The following COL24A1 variants were observed in gnomAD, a reference collection of about 807,000 sequenced individuals.
The protein encoded by COL24A1 is collagen alpha-1(XXIV) chain.
COL24A1 carries 224 observed loss-of-function variants against 253.9 expected under a neutral mutation model. The ratio of observed to expected loss-of-function variants is 0.88; its 90% CI spans 0.79 to 0.99. The LOEUF (loss-of-function observed/expected upper bound fraction) is 0.99. Among genes scored for constraint, COL24A1 ranks in the 50% least tolerant of loss-of-function variants. COL24A1 has a pLI of 0.00. For missense variants in COL24A1, 2,131 were observed against 2,068.5 expected (o/e 1.03, Z -0.59); for synonymous variants, 685 against 673.7 (o/e 1.02, Z -0.26).
rs200237796 is a variant in COL24A1, at chr1:85,733,582, AT to A, written c.4998+1166del. Reference sequence around the variant, plus strand: ...GATTTTTCATAGTAACTGTCATTTAATTTTTTTTTTTTTTTGAGATAGAGTT... The same window carrying A: ...GATTTTTCATAGTAACTGTCATTTAATTTTTTTTTTTTTTGAGATAGAGTT... On this transcript the variant is annotated intron_variant, in intron 59 of 59. Coordinates refer to ENST00000370571, the MANE Select transcript of COL24A1 (RefSeq NM_152890.7). Among the ~76,000 whole-genome samples, 698 of 144,818 alleles carry A rather than the reference AT, an allele frequency of 4.8e-3. 3 individuals are homozygous for A. The highest frequency in any genetic ancestry group is 0.011 in the African/African-American group (454 of 39,682).
chr1:85,924,862 G>A (rs899493618), intron 24 of COL24A1, among the ~76,000 whole-genome samples: 1 of 152,138 alleles, frequency 6.6e-6, no homozygotes, highest in African/African-American at 2.4e-5. Context: ...TATTCAATTA[G>A]GAAAAGAGGA....
chr1:85,946,498 G>A (rs987856685), intron 24 of COL24A1, among the ~76,000 whole-genome samples: 2 of 152,122 alleles, frequency 1.3e-5, no homozygotes, highest in Non-Finnish European at 2.9e-5. Context: ...AGAAACCTGG[G>A]GAGAAGGAGA....
At chr1:86,150,295 A>T (rs1245667345) in intron 1 of COL24A1, among the ~76,000 whole-genome samples, 1 of 152,166 alleles carries the variant, frequency 6.6e-6, no homozygotes. Flanking sequence ...CCTTTTATGA[A>T]AGTAAATATC....
chr1:86,127,678 A>G (rs1012030195), intron 2 of COL24A1, among the ~76,000 whole-genome samples: 8 of 91,146 alleles, frequency 8.8e-5, no homozygotes, highest in Non-Finnish European at 2.0e-4. Flanking sequence ...GATAAGTGAA[A>G]AAAATAAAAG....
At chr1:85,844,119 A>C (rs1053171875) in intron 39 of COL24A1, among the ~76,000 whole-genome samples, 1 of 152,070 alleles carries the variant, frequency 6.6e-6, no homozygotes, top group Non-Finnish European at 1.5e-5. Context: ...AAGGAAAAGA[A>C]AGAAAGAAAG....
chr1:86,027,846 C>A (rs936163175), intron 14 of COL24A1, among the ~76,000 whole-genome samples: 1 of 152,170 alleles, frequency 6.6e-6, no homozygotes, highest in Non-Finnish European at 1.5e-5. Flanking sequence ...AATGCCAGAC[C>A]ATGAAGGCAG....
chr1:85,737,912 T>C (rs986060284), intron 57 of COL24A1, among the ~76,000 whole-genome samples: 4 of 152,170 alleles, frequency 2.6e-5, no homozygotes. Flanking sequence ...TATCACAGTT[T>C]CACCTGTTAA....
chr1:85,896,130 T>C (rs1226511823), intron 29 of COL24A1, 65 bp from the exon 30 acceptor site: 2 of 1,476,826 alleles, frequency 1.4e-6, no homozygotes, highest in East Asian at 4.5e-5. Context: ...TATGCTAGCA[T>C]ATGCTAGCAT....
chr1:85,922,257 C>T (rs1052344768), intron 24 of COL24A1, among the ~76,000 whole-genome samples: 19 of 152,138 alleles, frequency 1.2e-4, no homozygotes, highest in African/African-American at 4.6e-4. Context: ...GGGTATTATC[C>T]ATGAGAACTT....
At position 86,056,682 on chromosome 1, in the gene COL24A1, T is replaced by C. The variant is rs139552641; in HGVS notation, c.1851+1249A>G. On this transcript the variant is annotated intron_variant, in intron 10 of 59. Transcript: ENST00000370571. ...CAGCCTGGCCAACATGGTGAAACCCTGTCTCTACTAAAAATACAAAAATTA... is the reference window on the plus strand; with the variant it reads ...CAGCCTGGCCAACATGGTGAAACCCCGTCTCTACTAAAAATACAAAAATTA... Among the ~76,000 whole-genome samples the C allele has an allele frequency of 2.4e-3, 370 of 151,942 alleles. 10 individuals are homozygous for C. In the East Asian group the frequency reaches 0.046, roughly 19 times the overall value.
intron 51 of COL24A1, 140 bp downstream of exon 51, chr1:85,783,356 T>C (rs1180086739): frequency 6.4e-6 from 4 of 620,278 alleles, no homozygotes; most frequent in Non-Finnish European, 1.1e-5. Flanking sequence ...GATTGAATTC[T>C]GCATGTGCCC....
At chr1:86,097,072 T>C (rs182480508) in intron 5 of COL24A1, among the ~76,000 whole-genome samples, 3 of 152,302 alleles carry the variant, frequency 2.0e-5, no homozygotes, top group African/African-American at 7.2e-5. Context: ...TAACTTTTAC[T>C]TCTCTTCAGA....
chr1:85,805,275 AAG>A (rs1671845584), intron 47 of COL24A1, among the ~76,000 whole-genome samples: 1 of 152,234 alleles, frequency 6.6e-6, no homozygotes. Flanking sequence ...AATGGAAAGA[AAG>A]AAATACATGG....
intron 26 of COL24A1, among the ~76,000 whole-genome samples, chr1:85,909,309 CA>C (rs1168916316): frequency 7.3e-5 from 11 of 151,722 alleles, no homozygotes; most frequent in African/African-American, 2.7e-4. Context: ...AATTTGTAGA[CA>C]GTATTATGTG....
intron 28 of COL24A1, 55 bp from the exon 29 acceptor site, chr1:85,896,464 TAACA>T: frequency 6.9e-7 from 1 of 1,442,720 alleles, no homozygotes; most frequent in Non-Finnish European, 9.7e-7. Flanking sequence ...TTTTTTTTCT[TAACA>T]GTTATGTGTC....
rs1286350698 is a variant in COL24A1 at position 85,933,092 on chromosome 1, A to AAG, written c.2563-21660_2563-21659insCT. Among the ~76,000 whole-genome samples the AAG allele has an allele frequency of 4.2e-5, 4 of 94,836 alleles. No individual in the cohort carries two copies. In the East Asian group the frequency reaches 8.6e-4, roughly 20 times the overall value. The allele number at this position is 94,836 out of a possible 152,430, so 62.2% of individuals were successfully genotyped here. On this transcript the variant is annotated intron_variant, in intron 24 of 59. Transcript: ENST00000370571. ...CCCTAAAACTTAGAGTATAATAAAAAAAAAAAAAAGAAAGAAAGAAAAAAA... is the reference window on the plus strand; with the variant it reads ...CCCTAAAACTTAGAGTATAATAAAAAAGAAAAAAAAAGAAAGAAAGAAAAAAA...
At chr1:85,999,636 GTAAAATAAAA>G (rs1243482112) in intron 19 of COL24A1, among the ~76,000 whole-genome samples, 2 of 59,072 alleles carry the variant, frequency 3.4e-5, no homozygotes, top group Non-Finnish European at 8.4e-5. Flanking sequence ...ATAAAATAAA[GTAAAATAAAA>G]TAAAATAAAA....
At chr1:86,063,426 A>G (rs146239914) in intron 8 of COL24A1, among the ~76,000 whole-genome samples, 1 of 151,942 alleles carries the variant, frequency 6.6e-6, no homozygotes, top group East Asian at 1.9e-4. Flanking sequence ...AAGGATTCAT[A>G]GTATTTATGA....
intron 28 of COL24A1, among the ~76,000 whole-genome samples, chr1:85,906,028 T>C (rs1237093085): frequency 6.6e-6 from 1 of 151,974 alleles, no homozygotes; most frequent in Non-Finnish European, 1.5e-5. Context: ...CTATCATCAT[T>C]TTTTATTTTA....
Sources: allele counts gnomAD v4.1 joint callset (sites outside exome capture counted in the v4.1 genomes callset), GRCh38; gene constraint gnomAD v4.1.1; transcripts MANE v1.5; gene names NCBI Gene and HGNC (gene_info 2026-07-23, HGNC 2026-07-21).